LYPD1: variants seen among roughly 807,000 people sequenced by gnomAD.
LYPD1 encodes LY6/PLAUR domain containing 1.
LYPD1 carries 14 observed loss-of-function variants against 14.2 expected under a neutral mutation model. The observed-to-expected ratio is 0.99, with a 90% confidence interval of 0.65 to 1.54. The LOEUF is 1.54. LYPD1 is among the 40% of genes most tolerant of loss of function. The probability of loss-of-function intolerance (pLI) is 0.00; values close to 1 mark genes in which losing one functional copy is unlikely to be tolerated. For missense variants in LYPD1, 165 were observed against 175.7 expected, an observed-to-expected ratio of 0.94 and a Z score of 0.34; for synonymous variants, 85 against 70.6, an observed-to-expected ratio of 1.20 and a Z score of -1.02.
chr2:132,665,391 A>G (rs942820865), intron 2 of LYPD1, among the ~76,000 whole-genome samples: 1 of 152,226 alleles, frequency 6.6e-6, no homozygotes, highest in African/African-American at 2.4e-5. Flanking sequence ...GCAAGTCCAC[A>G]TAGCACTCAA....
At position 132,645,004 on chromosome 2, in the gene LYPD1, C is replaced by A. The variant is rs1407598436; in HGVS notation, c.*1041G>T. On this transcript the variant is annotated 3_prime_UTR_variant, in exon 3 of 3. Transcript: ENST00000397463. ...CATTTCCTGGCCAGTAAGCACAGAA[C>A]AGAGGGGCTAAATATTTTATGGTTT... 1 of 1,401,882 alleles carries A rather than the reference C, an allele frequency of 7.1e-7. No individual in the cohort carries two copies. Among genetic ancestry groups the A allele is most frequent in the Non-Finnish European group, 9.7e-7 (1 of 1,033,282 alleles). 86.8% of individuals were successfully genotyped at this position (1,401,882 alleles called of 1,614,324 possible).
intron 2 of LYPD1, among the ~76,000 whole-genome samples, chr2:132,653,504 A>G (rs1262386210): frequency 6.6e-6 from 1 of 152,258 alleles, no homozygotes; most frequent in Non-Finnish European, 1.5e-5. Flanking sequence ...ATTCCAGTTA[A>G]TAAATGCAGA....
In LYPD1 at chr2:132,644,515, A is replaced by ATATG. The variant is rs1239433036; in HGVS notation, c.*1526_*1529dup. On this transcript the variant is annotated 3_prime_UTR_variant, in exon 3 of 3. Coordinates refer to ENST00000397463, the MANE Select transcript of LYPD1 (RefSeq NM_144586.7). ...TTATAGGTGTGCATACCTAGTATGT[A>ATATG]TATGTCCAAAAAACATTCTTGGCGA... Among the ~76,000 whole-genome samples the ATATG allele has an allele frequency of 6.6e-6, 1 of 152,266 alleles. No individual in the cohort carries two copies. Among genetic ancestry groups the ATATG allele is most frequent in the East Asian group, 1.9e-4 (1 of 5,198 alleles).
At chr2:132,659,901 G>C (rs141519691) in intron 2 of LYPD1, among the ~76,000 whole-genome samples, 1 of 152,224 alleles carries the variant, frequency 6.6e-6, no homozygotes, top group Admixed American at 6.5e-5. Context: ...TTTTGCATAA[G>C]TAATAGAACA....
In LYPD1 at chr2:132,669,356, C is replaced by T. The variant is rs1396239289; in HGVS notation, c.52+525G>A. ...GACGCGAGACCTTTGCGCCTCTGGA[C>T]GCTTCGGCCTGGCTGTTCTCGGTGT... On this transcript the variant is annotated intron_variant, in intron 1 of 2. Coordinates refer to ENST00000397463, the MANE Select transcript of LYPD1 (RefSeq NM_144586.7). The surrounding 1 kb of genome is among the most constrained non-coding windows in gnomAD (Gnocchi z 4.3). Among the ~76,000 whole-genome samples, 5 of 151,988 alleles carry T rather than the reference C, an allele frequency of 3.3e-5. No individual in the cohort carries two copies. The highest frequency in any genetic ancestry group is 7.4e-5 in the Non-Finnish European group (5 of 68,014).
At position 132,669,784 on chromosome 2, in the gene LYPD1, G is replaced by C; in HGVS notation, c.52+97C>G. Reference sequence around the variant, plus strand: ...CTCCCGCTGGGCAGCCCCAGCGCAGGGCTGGCCCCGAGGTGGGCGCCTTGG... The same window carrying C: ...CTCCCGCTGGGCAGCCCCAGCGCAGCGCTGGCCCCGAGGTGGGCGCCTTGG... On this transcript the variant is annotated intron_variant, in intron 1 of 2. Transcript: ENST00000397463. The surrounding 1 kb of genome is among the most constrained non-coding windows in gnomAD (Gnocchi z 4.3). 6.5e-7 allele frequency: 1 copy of C among 1,549,514 alleles called. No homozygotes were observed. Among genetic ancestry groups the C allele is most frequent in the Non-Finnish European group, 8.7e-7 (1 of 1,151,290 alleles).
chr2:132,655,971 C>A (rs2104909774), intron 2 of LYPD1, among the ~76,000 whole-genome samples: 1 of 152,328 alleles, frequency 6.6e-6, no homozygotes, highest in East Asian at 1.9e-4. Context: ...CACTCCCCTA[C>A]AGATGTACAT....
chr2:132,659,224 T>G (rs2163343), intron 2 of LYPD1, among the ~76,000 whole-genome samples: 56 of 152,348 alleles, frequency 3.7e-4, no homozygotes, highest in African/African-American at 1.3e-3. Context: ...TATTTTGAAA[T>G]GGTGATAAAT....
chr2:132,663,072 T>C (rs1683057386), intron 2 of LYPD1: 1 of 152,134 alleles, frequency 6.6e-6, no homozygotes, highest in South Asian at 2.1e-4. Flanking sequence ...CTTGGCAAAA[T>C]GTCTCATCTC....
chr2:132,668,747 C>T (rs959991255), intron 1 of LYPD1, among the ~76,000 whole-genome samples: 1 of 152,088 alleles, frequency 6.6e-6, no homozygotes, highest in African/African-American at 2.4e-5. Flanking sequence ...GAATAGTGCC[C>T]GCCACCCCTG....
chr2:132,647,864 A>C (rs1682188410), intron 2 of LYPD1, among the ~76,000 whole-genome samples: 1 of 152,186 alleles, frequency 6.6e-6, no homozygotes, highest in Admixed American at 6.5e-5. Flanking sequence ...TTTGGGTGCT[A>C]TAGAAACATT....
upstream of LYPD1, among the ~76,000 whole-genome samples, chr2:132,670,450 G>A (rs942134960): frequency 6.6e-6 from 1 of 152,158 alleles, no homozygotes; most frequent in African/African-American, 2.4e-5. This position sits in a 1 kb window ranked among gnomAD's most constrained non-coding sequence, Gnocchi z 4.5. Context: ...TTGGGGGAGC[G>A]GCGAGGAGGG....
chr2:132,653,188 G>A (rs1162743243), intron 2 of LYPD1, among the ~76,000 whole-genome samples: 2 of 152,134 alleles, frequency 1.3e-5, no homozygotes, highest in Non-Finnish European at 2.9e-5. Context: ...GAAAGAACAT[G>A]AACCCTGGAG....
At position 132,643,892 on chromosome 2, in the gene LYPD1, G is replaced by T. The variant is rs1174523698; in HGVS notation, c.*2153C>A. ...TCATTGCCAACTGTCACTTCCCTAG[G>T]GTTTCTAGAAAATCAGAAGATTGAA... On this transcript the variant is annotated 3_prime_UTR_variant, in exon 3 of 3. Transcript: ENST00000397463. 6.6e-6 allele frequency among the ~76,000 whole-genome samples: 1 copy of T among 152,108 alleles called. No individual in the cohort carries two copies. The highest frequency in any genetic ancestry group is 2.4e-5 in the African/African-American group (1 of 41,402).
At chr2:132,654,961 G>A (rs879557122) in intron 2 of LYPD1, among the ~76,000 whole-genome samples, 10 of 151,946 alleles carry the variant, frequency 6.6e-5, no homozygotes, top group South Asian at 2.1e-4. Flanking sequence ...TGTTAGCCAC[G>A]ATGGTCTCGA....
Position 132,644,640 on chromosome 2 carries a change from T to A in LYPD1, c.*1405A>T, listed in dbSNP as rs191617467. 6.6e-6 allele frequency among the ~76,000 whole-genome samples: 1 copy of A among 152,290 alleles called. No homozygotes were observed. The highest frequency in any genetic ancestry group is 1.5e-5 in the Non-Finnish European group (1 of 68,026). Reference sequence around the variant, plus strand: ...AAAGGGACACTTCTTCCATTTGATTTAAAAATATCACTAGGTCTTCTTTGT... The same window carrying A: ...AAAGGGACACTTCTTCCATTTGATTAAAAAATATCACTAGGTCTTCTTTGT... On this transcript the variant is annotated 3_prime_UTR_variant, in exon 3 of 3. Transcript: ENST00000397463.
chr2:132,648,615 G>A (rs897354294), intron 2 of LYPD1, among the ~76,000 whole-genome samples: 1 of 152,250 alleles, frequency 6.6e-6, no homozygotes, highest in Non-Finnish European at 1.5e-5. Flanking sequence ...AATAGTGCAT[G>A]TCCTTATGAA....
chr2:132,652,857 G>A (rs1042703813), intron 2 of LYPD1, among the ~76,000 whole-genome samples: 1 of 152,202 alleles, frequency 6.6e-6, no homozygotes, highest in Non-Finnish European at 1.5e-5. Context: ...TTCTCCCTGA[G>A]GAAGTCATTT....
intron 2 of LYPD1, among the ~76,000 whole-genome samples, chr2:132,653,868 C>T (rs566656835): frequency 6.6e-6 from 1 of 152,164 alleles, no homozygotes; most frequent in Non-Finnish European, 1.5e-5. Context: ...AAACAGCAGA[C>T]AATCCCAAAC....
Sources: gnomAD v4.1 joint callset for allele counts (sites outside exome capture counted in the v4.1 genomes callset) on GRCh38, gnomAD v4.1.1 for gene constraint, Gnocchi (gnomAD v3.1) non-coding constraint, MANE v1.5 for transcripts, NCBI Gene and HGNC (gene_info 2026-07-23, HGNC 2026-07-21) for gene names.